The following POMP variants were observed in gnomAD, a reference collection of about 807,000 sequenced individuals.
The protein encoded by POMP is 2510048O06Rik.
POMP carries 12 observed loss-of-function variants against 20.6 expected under a neutral mutation model. That is an observed-to-expected ratio of 0.58 (90% CI 0.37 to 0.94). The LOEUF is 0.94. Among genes scored for constraint, POMP ranks in the 40% least tolerant of loss-of-function variants. The probability of loss-of-function intolerance (pLI) is 0.01; values close to 1 mark genes in which losing one functional copy is unlikely to be tolerated. For missense variants in POMP, 136 were observed against 161.1 expected (o/e 0.84, Z 0.84); for synonymous variants, 53 against 55.0 (o/e 0.96, Z 0.16).
At chr13:28,672,464 C>T (rs748116191) in intron 5 of POMP, 32 bp downstream of exon 5, 33 of 1,495,654 alleles carry the variant, frequency 2.2e-5, no homozygotes, top group Non-Finnish European at 2.9e-5. Flanking sequence ...TTTATGGAGC[C>T]CTTGTAATTT....
intron 3 of POMP, among the ~76,000 whole-genome samples, chr13:28,665,281 G>GT (rs1228275792): frequency 2.6e-5 from 4 of 152,206 alleles, no homozygotes; most frequent in African/African-American, 9.6e-5. Context: ...TGATGCAGTT[G>GT]TTAGGTAACA....
chr13:28,672,243 TCAAA>T (rs1218974939), intron 4 of POMP, 92 bp from the exon 5 acceptor site: 4 of 1,066,400 alleles, frequency 3.8e-6, no homozygotes, highest in African/African-American at 1.6e-5. Context: ...TTGCGAATTT[TCAAA>T]CAAAGAATAA....
intron 2 of POMP, among the ~76,000 whole-genome samples, chr13:28,663,625 T>G (rs1884388138): frequency 6.6e-6 from 1 of 152,232 alleles, no homozygotes; most frequent in African/African-American, 2.4e-5. Flanking sequence ...TTACTCTTAC[T>G]ATAATAGAAT....
chr13:28,672,339 G>A lies in POMP; in HGVS notation c.265G>A (p.Val89Ile), dbSNP rs760275041. The A allele has an allele frequency of 6.2e-7, 1 of 1,601,824 alleles. No homozygotes were observed. The highest frequency in any genetic ancestry group is 8.6e-7 in the Non-Finnish European group (1 of 1,169,022). ...LQMEFKAVQQ[V>I]QRLPFLSSSN... is the part of the protein sequence containing the mutation. ...TGTCCCTTCATACTTTTCCCCAAAG[G>A]TTCAGCGTCTTCCATTTCTTTCAAG... Residue 89 changes from valine to isoleucine, a missense_variant and splice_region_variant, in exon 5 of 6, where the codon GTT (valine) becomes ATT (isoleucine). Physicochemically the swap from Val to Ile is conservative, Grantham distance 29. Transcript: ENST00000380842.
Position 28,678,195 on chromosome 13 carries a change from C to A in POMP, c.*93C>A. ...GTACACAACATTAAAAGTACTGACA[C>A]CTGAGAATTTCTGCTCAAGTAGTAT... On this transcript the variant is annotated 3_prime_UTR_variant, in exon 6 of 6. Transcript: ENST00000380842. The A allele has an allele frequency of 7.8e-7, 1 of 1,286,522 alleles. No individual in the cohort carries two copies. Among genetic ancestry groups the A allele is most frequent in the Non-Finnish European group, 1.1e-6 (1 of 886,446 alleles). 79.7% of individuals were successfully genotyped at this position (1,286,522 alleles called of 1,614,324 possible).
At chr13:28,664,478 T>A (rs1448540647) in intron 2 of POMP, 31 bp from the exon 3 acceptor site, 1 of 1,449,308 alleles carries the variant, frequency 6.9e-7, no homozygotes, top group African/African-American at 1.4e-5. Context: ...TTTAATCTCC[T>A]CTAAATGTTT....
intron 5 of POMP, among the ~76,000 whole-genome samples, chr13:28,675,143 A>ATTT (rs368292851): frequency 1.3e-5 from 2 of 150,642 alleles, no homozygotes; most frequent in African/African-American, 2.5e-5. Context: ...GTTTAGGTAG[A>ATTT]TTTTTTTTGT....
In POMP at chr13:28,659,144, A is replaced by G; in HGVS notation, c.-41A>G. On this transcript the variant is annotated 5_prime_UTR_variant, in exon 1 of 6. Transcript: ENST00000380842. Reference sequence around the variant, plus strand: ...CGGAAGTGAGCGGCGGGGTCGACTGACGGTAACGGGGCAGAGAGGCTGTTC... The same window carrying G: ...CGGAAGTGAGCGGCGGGGTCGACTGGCGGTAACGGGGCAGAGAGGCTGTTC... 1 of 1,573,712 alleles carries G rather than the reference A, an allele frequency of 6.4e-7. No individual in the cohort carries two copies. The highest frequency in any genetic ancestry group is 1.8e-5 in the Admixed American group (1 of 54,188).
At chr13:28,664,303 C>A (rs1478986547) in intron 2 of POMP, among the ~76,000 whole-genome samples, 1 of 152,080 alleles carries the variant, frequency 6.6e-6, no homozygotes, top group Non-Finnish European at 1.5e-5. Flanking sequence ...ATTATATATA[C>A]CTTTTTTTTT....
At chr13:28,660,655 G>A (rs1204398005) in intron 1 of POMP, among the ~76,000 whole-genome samples, 1 of 152,210 alleles carries the variant, frequency 6.6e-6, no homozygotes, top group Non-Finnish European at 1.5e-5. Flanking sequence ...GTGCTTTGCT[G>A]GCAGTCACAA....
intron 3 of POMP, among the ~76,000 whole-genome samples, chr13:28,664,778 A>G (rs1884412674): frequency 1.3e-5 from 2 of 152,138 alleles, no homozygotes; most frequent in Non-Finnish European, 2.9e-5. Flanking sequence ...TGCCTTTTTA[A>G]TGTACGTCTC....
At chr13:28,672,754 A>G (rs1024750206) in intron 5 of POMP, among the ~76,000 whole-genome samples, 2 of 152,138 alleles carry the variant, frequency 1.3e-5, no homozygotes. Context: ...AAAAGAAAAA[A>G]AGTGAAAATT....
chr13:28,672,262 C>T, intron 4 of POMP, 77 bp from the exon 5 acceptor site: 3 of 1,149,844 alleles, frequency 2.6e-6, no homozygotes, highest in Non-Finnish European at 4.0e-6. Context: ...GAATAAAGAA[C>T]ATGAAATTAG....
chr13:28,671,167 C>T (rs961797396), intron 4 of POMP, among the ~76,000 whole-genome samples: 3 of 152,128 alleles, frequency 2.0e-5, no homozygotes, highest in African/African-American at 7.2e-5. Flanking sequence ...TTTGAGTAAC[C>T]TAGGGTTGAA....
intron 4 of POMP, among the ~76,000 whole-genome samples, chr13:28,671,727 A>G (rs183401047): frequency 6.6e-6 from 1 of 152,000 alleles, no homozygotes; most frequent in East Asian, 1.9e-4. Flanking sequence ...TGAAAATAAT[A>G]TATTTAGTCT....
chr13:28,668,489 A>T lies in POMP; in HGVS notation c.179A>T (p.Asp60Val). 3 of 1,608,974 alleles carry T rather than the reference A, an allele frequency of 1.9e-6. No homozygotes were observed. The highest frequency in any genetic ancestry group is 2.6e-6 in the Non-Finnish European group (3 of 1,175,408). Reference protein sequence around the residue: ...LSEKNFQLNQDKMNFSTLRNI... With the variant: ...LSEKNFQLNQVKMNFSTLRNI... The stretch of plus-strand genomic sequence containing the variant: ...CTTTTGTAGTTCCAGCTCAACCAAG[A>T]TAAAATGAATTTTTCCACACTGAGA... Residue 60 changes from aspartate to valine, a missense_variant, in exon 4 of 6, where the codon GAT becomes GTT. By Grantham distance (152) the Asp-to-Val change is radical. Transcript: ENST00000380842.
At position 28,664,526 on chromosome 13, in the gene POMP, A is replaced by G. The variant is rs749793445; in HGVS notation, c.119A>G (p.Asn40Ser). The change falls in exon 3 of 6, where the codon AAT (asparagine) becomes AGT (serine). Residue 40 changes from asparagine to serine, a missense_variant. Physicochemically the swap from Asn to Ser is conservative, Grantham distance 46 (BLOSUM62 1). Transcript: ENST00000380842. ...LLRKGFSCVK[N>S]ELLPSHPLEL... ...CCTTTCAGTTTTTCTTGTGTGAAAAATGAACTTTTGCCTAGTCATCCCCTT... is the reference window on the plus strand; with the variant it reads ...CCTTTCAGTTTTTCTTGTGTGAAAAGTGAACTTTTGCCTAGTCATCCCCTT... The G allele has an allele frequency of 2.5e-6, 4 of 1,584,058 alleles. No homozygotes were observed. The African/African-American group carries it at 4.0e-5, about 16-fold the overall frequency.
At chr13:28,660,205 G>A (rs1345910480) in intron 1 of POMP, among the ~76,000 whole-genome samples, 1 of 152,206 alleles carries the variant, frequency 6.6e-6, no homozygotes, top group African/African-American at 2.4e-5. Context: ...CATTTGGAAA[G>A]CAACAATCAC....
At chr13:28,677,786 A>G (rs1928497) in intron 5 of POMP, among the ~76,000 whole-genome samples, 6,650 of 152,270 alleles carry the variant, frequency 0.044, 480 homozygotes, top group African/African-American at 0.15. Context: ...TTAAGTGTAC[A>G]GTTCTGTGGG....
Sources: gnomAD v4.1 joint callset for allele counts (sites outside exome capture counted in the v4.1 genomes callset) on GRCh38, gnomAD v4.1.1 for gene constraint, MANE v1.5 for transcripts, NCBI Gene and HGNC (gene_info 2026-07-23, HGNC 2026-07-21) for gene names.